Variants in UBR2 observed in about 807,000 individuals in gnomAD.
The protein encoded by UBR2 is ubiquitin protein ligase E3 component n-recognin 2.
A neutral mutation model predicts 247.9 loss-of-function variants in UBR2; 92 were observed. The ratio of observed to expected loss-of-function variants is 0.37; its 90% CI spans 0.31 to 0.44. The LOEUF is 0.44. Ranked by LOEUF, UBR2 falls within the 20% of genes least tolerant of loss-of-function variation. The pLI is 1.00. For synonymous variants in UBR2, 672 were observed against 693.5 expected (o/e 0.97, Z 0.49); for missense variants, 1,613 against 2,112.6 (o/e 0.76, Z 4.64).
intron 4 of UBR2, among the ~76,000 whole-genome samples, chr6:42,602,475 T>C (rs2151926580): frequency 6.6e-6 from 1 of 152,146 alleles, no homozygotes; most frequent in Admixed American, 6.6e-5. Flanking sequence ...GTGCTGGGAT[T>C]ACAGGCATGA....
intron 44 of UBR2, among the ~76,000 whole-genome samples, 156 bp downstream of exon 44, chr6:42,685,027 A>C (rs1225079676): frequency 1.3e-5 from 2 of 152,038 alleles, no homozygotes; most frequent in African/African-American, 4.8e-5. Flanking sequence ...AAAAAGAAGA[A>C]ACTTGGCGAG....
In UBR2 at chr6:42,689,760, C is replaced by A; in HGVS notation, c.5126+90C>A. 1 of 1,167,062 alleles carries A rather than the reference C, an allele frequency of 8.6e-7. No individual in the cohort carries two copies. Among genetic ancestry groups the A allele is most frequent in the Non-Finnish European group, 1.3e-6 (1 of 781,526 alleles). 72.3% of individuals were successfully genotyped at this position (1,167,062 alleles called of 1,614,324 possible). On this transcript the variant is annotated intron_variant, in intron 46 of 46. Coordinates refer to ENST00000372901, the MANE Select transcript of UBR2 (RefSeq NM_001363705.2). The surrounding 1 kb of genome is among the most constrained non-coding windows in gnomAD (Gnocchi z 4.0). Reference sequence around the variant, plus strand: ...CTGAGGGTGGAGGGCTGAGGTGGTTCTGGAAGAGGTGGCTGTGTTATCTGT... The same window carrying A: ...CTGAGGGTGGAGGGCTGAGGTGGTTATGGAAGAGGTGGCTGTGTTATCTGT...
In UBR2 at chr6:42,686,505, ATCTC is replaced by A. The variant is rs956447875; in HGVS notation, c.4853+1638_4853+1641del. On this transcript the variant is annotated intron_variant, in intron 44 of 46. Transcript: ENST00000372901. ...TCTACACAGACACAGTAACAATCTG[ATCTC>A]TCTTTCTTTTCCCCACATTTCCCCC... Among the ~76,000 whole-genome samples, 163 of 152,004 alleles carry A rather than the reference ATCTC, an allele frequency of 1.1e-3. 1 individual carries two copies. The highest frequency in any genetic ancestry group is 3.6e-3 in the African/African-American group (151 of 41,450).
intron 2 of UBR2, among the ~76,000 whole-genome samples, chr6:42,588,124 A>G (rs1380288288): frequency 6.6e-6 from 1 of 152,222 alleles, no homozygotes; most frequent in African/African-American, 2.4e-5. Flanking sequence ...ATTAATGGTC[A>G]TCTATACTTC....
chr6:42,612,373 C>T lies in UBR2; in HGVS notation c.985+82C>T, dbSNP rs1582529074. The T allele has an allele frequency of 5.4e-6, 7 of 1,305,172 alleles. No homozygotes were observed. The East Asian group carries it at 1.3e-4, about 25-fold the overall frequency. 80.8% of individuals were successfully genotyped at this position (1,305,172 alleles called of 1,614,324 possible). On this transcript the variant is annotated intron_variant, in intron 8 of 46. Transcript: ENST00000372901. ...TGCAAAACTGTTTTGGGAAAACTAT[C>T]AACTGGAATAATTTCCTGCTTTAAT...
At position 42,673,780 on chromosome 6, in the gene UBR2, G is replaced by A. The variant is rs748289181; in HGVS notation, c.4087-11G>A. The A allele has an allele frequency of 7.5e-6, 12 of 1,607,072 alleles. No homozygotes were observed. Among genetic ancestry groups the A allele is most frequent in the Non-Finnish European group, 1.0e-5 (12 of 1,176,240 alleles). On this transcript the variant is annotated splice_polypyrimidine_tract_variant and intron_variant, in intron 36 of 46. Coordinates refer to ENST00000372901, the MANE Select transcript of UBR2 (RefSeq NM_001363705.2). Reference sequence around the variant, plus strand: ...TTTTTGTTTTTTGTTAATTGCGTTGGTTTATTTTAGGATGACTGTCTTAGG... The same window carrying A: ...TTTTTGTTTTTTGTTAATTGCGTTGATTTATTTTAGGATGACTGTCTTAGG...
intron 4 of UBR2, among the ~76,000 whole-genome samples, chr6:42,597,831 G>T (rs1015743332): frequency 2.6e-5 from 4 of 151,834 alleles, no homozygotes; most frequent in African/African-American, 9.7e-5. Context: ...CAAGAGAATC[G>T]CTTGAACCCG....
In UBR2 at chr6:42,672,329, G is replaced by A. The variant is rs1051754592; in HGVS notation, c.4087-1462G>A. Among the ~76,000 whole-genome samples, 7 of 152,068 alleles carry A rather than the reference G, an allele frequency of 4.6e-5. No homozygotes were observed. In the East Asian group the frequency reaches 7.7e-4, roughly 17 times the overall value. On this transcript the variant is annotated intron_variant, in intron 36 of 46. Transcript: ENST00000372901. ...ATTGCAGGCATGAGCCACCATTCCCGGCCTAGATACATTTTTTAGCCTGGG... is the reference window on the plus strand; with the variant it reads ...ATTGCAGGCATGAGCCACCATTCCCAGCCTAGATACATTTTTTAGCCTGGG...
chr6:42,667,837 G>A (rs1193500526), intron 34 of UBR2, among the ~76,000 whole-genome samples: 3 of 146,484 alleles, frequency 2.0e-5, no homozygotes, highest in African/African-American at 7.6e-5. Context: ...TCAGCTCCCT[G>A]CAGCCTCCCC....
intron 44 of UBR2, among the ~76,000 whole-genome samples, chr6:42,687,728 A>G (rs1323707109): frequency 6.6e-6 from 1 of 151,918 alleles, no homozygotes; most frequent in African/African-American, 2.4e-5. Flanking sequence ...TTTAGTAGAG[A>G]CGGGGTTTCA....
At chr6:42,608,553 C>G (rs1389638337) in intron 7 of UBR2, among the ~76,000 whole-genome samples, 1 of 152,002 alleles carries the variant, frequency 6.6e-6, no homozygotes, top group African/African-American at 2.4e-5. Flanking sequence ...TTGCCTGAGC[C>G]CAGGAGTCCA....
At chr6:42,669,451 G>C (rs1317651781) in intron 34 of UBR2, among the ~76,000 whole-genome samples, 1 of 151,988 alleles carries the variant, frequency 6.6e-6, no homozygotes, top group Non-Finnish European at 1.5e-5. Context: ...AGTTCTGTTA[G>C]CTCACTGTTG....
Position 42,666,245 on chromosome 6 carries a change from A to G in UBR2, c.3881A>G (p.Lys1294Arg). The change falls in exon 34 of 47, where the codon AAG (lysine) becomes AGG (arginine). Residue 1294 changes from lysine to arginine, a missense_variant and splice_region_variant. Lys to Arg is a conservative substitution (Grantham distance 26). This residue lies in a region of UBR2 where 1,524 missense variants were observed against 1,967.3 expected (regional missense o/e 0.77). Coordinates refer to ENST00000372901, the MANE Select transcript of UBR2 (RefSeq NM_001363705.2). The stretch of plus-strand genomic sequence containing the variant: ...GGGTTCAGGCCTGATTTTCGTCCTA[A>G]GTGAGTATATTATTTTACTCCTTTA... ...PEGFRPDFRP[K>R]IPYSESIKEM... 1 of 1,604,948 alleles carries G rather than the reference A, an allele frequency of 6.2e-7. No homozygotes were observed. The highest frequency in any genetic ancestry group is 1.7e-4 in the Middle Eastern group (1 of 6,010).
intron 11 of UBR2, among the ~76,000 whole-genome samples, chr6:42,626,527 C>T (rs1795358350): frequency 6.6e-6 from 1 of 152,140 alleles, no homozygotes; most frequent in South Asian, 2.1e-4. Flanking sequence ...GCCAAAGTGG[C>T]ATATTTTGGG....
chr6:42,675,621 A>C (rs1406990624), intron 38 of UBR2, among the ~76,000 whole-genome samples: 3 of 152,114 alleles, frequency 2.0e-5, no homozygotes, highest in Non-Finnish European at 2.9e-5. Flanking sequence ...AAGAACAAAG[A>C]TTTCTTAAAG....
chr6:42,632,065 A>T (rs1232336934), intron 11 of UBR2, among the ~76,000 whole-genome samples: 1 of 66,642 alleles, frequency 1.5e-5, no homozygotes, highest in Non-Finnish European at 2.9e-5. Flanking sequence ...TTAAAAAAAA[A>T]AAAAATATAT....
chr6:42,656,518 T>A (rs1651719642), intron 26 of UBR2, among the ~76,000 whole-genome samples: 1 of 152,232 alleles, frequency 6.6e-6, no homozygotes, highest in South Asian at 2.1e-4. Flanking sequence ...GTACTTTCCC[T>A]GCCACAGACC....
chr6:42,569,508 G>A (rs1415372744), intron 1 of UBR2, among the ~76,000 whole-genome samples: 1 of 151,760 alleles, frequency 6.6e-6, no homozygotes, highest in Non-Finnish European at 1.5e-5. Flanking sequence ...TATTTTATTT[G>A]TAAATATTCT....
intron 44 of UBR2, among the ~76,000 whole-genome samples, chr6:42,686,333 C>T (rs1026231830): frequency 6.6e-6 from 1 of 151,262 alleles, no homozygotes; most frequent in Non-Finnish European, 1.5e-5. Context: ...CATCTTGCAC[C>T]GCCCTTAATC....
Sources: gnomAD v4.1 joint callset for allele counts (sites outside exome capture counted in the v4.1 genomes callset) on GRCh38, gnomAD v4.1.1 for gene constraint, gnomAD v4.1.1 regional missense constraint, Gnocchi (gnomAD v3.1) non-coding constraint, MANE v1.5 for transcripts, NCBI Gene and HGNC (gene_info 2026-07-23, HGNC 2026-07-21) for gene names.